The following LAMC2 variants were observed in gnomAD, a reference collection of about 807,000 sequenced individuals.
The protein encoded by LAMC2 is laminin subunit gamma-2.
LAMC2 carries 97 observed loss-of-function variants against 140.2 expected under a neutral mutation model. The ratio of observed to expected loss-of-function variants is 0.69; its 90% CI spans 0.59 to 0.82. The LOEUF (loss-of-function observed/expected upper bound fraction) is 0.82. Ranked by LOEUF, LAMC2 falls within the 40% of genes least tolerant of loss-of-function variation. The probability of loss-of-function intolerance (pLI) is 0.00; values close to 1 mark genes in which losing one functional copy is unlikely to be tolerated. For missense variants in LAMC2, 1,402 were observed against 1,476.1 expected, an observed-to-expected ratio of 0.95 and a Z score of 0.82; for synonymous variants, 513 against 540.2, an observed-to-expected ratio of 0.95 and a Z score of 0.70.
At chr1:183,246,705 T>A (rs374727259), downstream of LAMC2, among the ~76,000 whole-genome samples, 1 of 152,246 alleles carries the variant, frequency 6.6e-6, no homozygotes, top group East Asian at 1.9e-4. Context: ...TGCTTAGTAA[T>A]ATTCAATGTT....
rs930876405 is a variant in LAMC2 at position 183,235,891 on chromosome 1, A to G, written c.2456+161A>G. Among the ~76,000 whole-genome samples, 4 of 152,194 alleles carry G rather than the reference A, an allele frequency of 2.6e-5. No homozygotes were observed. In the East Asian group the frequency reaches 7.7e-4, roughly 29 times the overall value. ...GGAGTTTTACTTTGGGGAAAAGCAG[A>G]TATTTTTAAGACTGGAAGAAAAAAA... On this transcript the variant is annotated intron_variant, in intron 16 of 22. Transcript: ENST00000264144.
chr1:183,201,047 T>C (rs1658691593), intron 1 of LAMC2, among the ~76,000 whole-genome samples: 1 of 152,104 alleles, frequency 6.6e-6, no homozygotes, highest in Non-Finnish European at 1.5e-5. Flanking sequence ...ACTTGCAGAG[T>C]CTCATTTCTT....
At chr1:183,237,275 T>C in intron 17 of LAMC2, 77 bp from the exon 18 acceptor site, 1 of 1,517,810 alleles carries the variant, frequency 6.6e-7, no homozygotes, top group Non-Finnish European at 9.1e-7. Context: ...TTTCAAACAA[T>C]GGTGCCAGGT....
chr1:183,242,858 G>A (rs191473649), intron 22 of LAMC2, among the ~76,000 whole-genome samples: 2 of 147,796 alleles, frequency 1.4e-5, no homozygotes, highest in East Asian at 3.9e-4. Context: ...TTTTTTCATA[G>A]CATAAACTAT....
chr1:183,198,140 C>CTT (rs11338377), intron 1 of LAMC2, among the ~76,000 whole-genome samples: 3 of 138,186 alleles, frequency 2.2e-5, no homozygotes, highest in African/African-American at 8.2e-5. Context: ...TTTTTTCTTT[C>CTT]TTTTTTTTTT....
intron 12 of LAMC2, among the ~76,000 whole-genome samples, chr1:183,231,484 T>C (rs1186979251): frequency 6.6e-6 from 1 of 152,232 alleles, no homozygotes; most frequent in Non-Finnish European, 1.5e-5. Flanking sequence ...GTCCCCTAAC[T>C]TAGTTCAGGG....
In LAMC2 at chr1:183,238,367, A is replaced by G. The variant is rs749864571; in HGVS notation, c.2815A>G (p.Ser939Gly). The G allele has an allele frequency of 2.5e-6, 4 of 1,614,116 alleles. No individual in the cohort carries two copies. The South Asian group carries it at 4.4e-5, about 18-fold the overall frequency. Residue 939 changes from serine to glycine, a missense_variant, in exon 19 of 23, where the codon AGT becomes GGT. This residue lies in a region of LAMC2 where 670 missense variants were observed against 667.2 expected (regional missense o/e 1.00). Transcript: ENST00000264144. ...LAKSRAQEALSMGNATFYEVE... is the reference protein window; with the variant it reads ...LAKSRAQEALGMGNATFYEVE... ...TAAAAGCAGAGCACAAGAAGCACTG[A>G]GTATGGGCAATGCCACTTTTTATGA...
At chr1:183,199,128 AGAGTCTC>A (rs1463490802) in intron 1 of LAMC2, among the ~76,000 whole-genome samples, 2 of 120,924 alleles carry the variant, frequency 1.7e-5, no homozygotes, top group Non-Finnish European at 3.2e-5. Context: ...TTTTTGAGAC[AGAGTCTC>A]GTACTGTCAC....
At chr1:183,214,893 G>C (rs1417131553) in intron 2 of LAMC2, among the ~76,000 whole-genome samples, 1 of 152,124 alleles carries the variant, frequency 6.6e-6, no homozygotes, top group Non-Finnish European at 1.5e-5. Flanking sequence ...CATAAGACAA[G>C]TACAGTCCCC....
intron 1 of LAMC2, among the ~76,000 whole-genome samples, chr1:183,200,089 G>A (rs1439679727): frequency 6.6e-6 from 1 of 152,198 alleles, no homozygotes; most frequent in East Asian, 1.9e-4. Context: ...ATGTTTTTCA[G>A]TTTAGAACAA....
At chr1:183,216,647 C>T (rs1659268945) in intron 3 of LAMC2, among the ~76,000 whole-genome samples, 1 of 152,204 alleles carries the variant, frequency 6.6e-6, no homozygotes, top group South Asian at 2.1e-4. Flanking sequence ...CCCCACCCCA[C>T]TATCTCCTCA....
intron 22 of LAMC2, 82 bp downstream of exon 22, chr1:183,240,473 C>A: frequency 6.4e-7 from 1 of 1,567,206 alleles, no homozygotes; most frequent in Non-Finnish European, 8.6e-7. Flanking sequence ...CTAGCCCCAG[C>A]AAAGGGGAGT....
intron 2 of LAMC2, among the ~76,000 whole-genome samples, chr1:183,211,159 A>G (rs949088860): frequency 1.3e-5 from 2 of 152,202 alleles, no homozygotes; most frequent in Admixed American, 1.3e-4. Context: ...AATTAGGCTT[A>G]TTTTTAGATT....
intron 16 of LAMC2, 54 bp downstream of exon 16, chr1:183,235,784 C>T: frequency 3.8e-6 from 6 of 1,585,734 alleles, no homozygotes; most frequent in South Asian, 2.2e-5. Context: ...ACTCCCAGGG[C>T]AAAATGCTAA....
the LAMC2 span, among the ~76,000 whole-genome samples, chr1:183,254,069 AGGT>A: frequency 1.3e-5 from 2 of 152,140 alleles, no homozygotes; most frequent in Non-Finnish European, 2.9e-5. Context: ...TACCTTTACA[AGGT>A]GGTGATTTCA....
chr1:183,227,848 A>ATCTT, intron 10 of LAMC2, 151 bp downstream of exon 10: 1 of 762,302 alleles, frequency 1.3e-6, no homozygotes, highest in Non-Finnish European at 2.2e-6. Flanking sequence ...TATCTTAAAG[A>ATCTT]TAAGATATTG....
the LAMC2 span, among the ~76,000 whole-genome samples, chr1:183,257,545 A>G: frequency 3.9e-5 from 6 of 152,304 alleles, no homozygotes; most frequent in South Asian, 6.2e-4. Flanking sequence ...TTTAATTACT[A>G]CTTCAATCTA....
chr1:183,200,444 T>C (rs1163237423), intron 1 of LAMC2, among the ~76,000 whole-genome samples: 1 of 152,108 alleles, frequency 6.6e-6, no homozygotes, highest in Non-Finnish European at 1.5e-5. Flanking sequence ...CAATCATATG[T>C]ATGCCAAGTG....
chr1:183,202,116 C>G (rs551166723), intron 1 of LAMC2, among the ~76,000 whole-genome samples: 83 of 151,968 alleles, frequency 5.5e-4, no homozygotes, highest in African/African-American at 1.9e-3. Flanking sequence ...ATCGCTTGAA[C>G]CTGGGAGGTG....
Sources: gnomAD v4.1 joint callset for allele counts (sites outside exome capture counted in the v4.1 genomes callset) on GRCh38, gnomAD v4.1.1 for gene constraint, gnomAD v4.1.1 regional missense constraint, MANE v1.5 for transcripts, NCBI Gene and HGNC (gene_info 2026-07-23, HGNC 2026-07-21) for gene names.